The following KIAA0825 variants were observed in gnomAD, a reference collection of about 807,000 sequenced individuals.
The protein encoded by KIAA0825 is uncharacterized protein KIAA0825.
A neutral mutation model predicts 147.6 loss-of-function variants in KIAA0825; 119 were observed. The observed-to-expected ratio is 0.81, with a 90% CI of 0.69 to 0.94. The LOEUF (loss-of-function observed/expected upper bound fraction) is 0.94. KIAA0825 is among the 40% of genes least tolerant of loss of function. KIAA0825 has a pLI of 0.00. For missense variants in KIAA0825, 1,381 were observed against 1,472.7 expected (o/e 0.94, Z 1.02); for synonymous variants, 470 against 518.1 (o/e 0.91, Z 1.26).
rs377558030 is a variant in KIAA0825 at position 94,178,774 on chromosome 5, C to T, written c.3711-24650G>A. ...GCCATGTATTAAAAAGTTAAATATA[C>T]ACCTACCATATCACCCAGTTATCCT... is the stretch of plus-strand genomic sequence containing the variant. On this transcript the variant is annotated intron_variant, in intron 20 of 20. Coordinates refer to ENST00000682413, the MANE Select transcript of KIAA0825 (RefSeq NM_001145678.3). 6.3e-4 allele frequency among the ~76,000 whole-genome samples: 96 copies of T among 152,100 alleles called. 1 individual carries two copies. Among genetic ancestry groups the T allele is most frequent in the African/African-American group, 2.3e-3 (94 of 41,524 alleles).
At chr5:94,197,779 G>A (rs1380810795) in intron 20 of KIAA0825, among the ~76,000 whole-genome samples, 2 of 152,286 alleles carry the variant, frequency 1.3e-5, no homozygotes, top group East Asian at 3.9e-4. Flanking sequence ...TCAGATGGTT[G>A]TAGGTGTGAA....
chr5:94,561,259 C>G (rs573958563), intron 2 of KIAA0825, among the ~76,000 whole-genome samples: 4 of 152,280 alleles, frequency 2.6e-5, no homozygotes, highest in African/African-American at 9.6e-5. Context: ...GATGGCACAC[C>G]CAGACAGGAA....
intron 13 of KIAA0825, among the ~76,000 whole-genome samples, chr5:94,449,688 A>C (rs1348455979): frequency 6.6e-6 from 1 of 152,220 alleles, no homozygotes; most frequent in Non-Finnish European, 1.5e-5. Context: ...AAAGCTATAG[A>C]TGCAGCACTG....
rs546434350 is a variant in KIAA0825 at position 94,299,071 on chromosome 5, A to AT, written c.3710+85296dup. On this transcript the variant is annotated intron_variant, in intron 20 of 20. Transcript: ENST00000682413. ...CATCACCAACAAAGCAAAAGGCTTT[A>AT]TTTTTTTTGTTTCCATTCAGTTTTA... Among the ~76,000 whole-genome samples, 391 of 151,926 alleles carry AT rather than the reference A, an allele frequency of 2.6e-3. 1 individual carries two copies. Among genetic ancestry groups the AT allele is most frequent in the African/African-American group, 8.9e-3 (368 of 41,420 alleles).
intron 3 of KIAA0825, among the ~76,000 whole-genome samples, chr5:94,526,795 G>A (rs539022514): frequency 1.6e-4 from 25 of 152,026 alleles, no homozygotes; most frequent in Non-Finnish European, 2.7e-4. Context: ...TGAATAAGAC[G>A]TCATCCTGTC....
intron 20 of KIAA0825, among the ~76,000 whole-genome samples, chr5:94,382,945 T>G (rs1006439188): frequency 1.3e-5 from 2 of 152,192 alleles, no homozygotes; most frequent in African/African-American, 4.8e-5. Context: ...CTGTATAAAC[T>G]CAAAACTTTC....
At chr5:94,167,405 G>A (rs1252208053) in intron 20 of KIAA0825, among the ~76,000 whole-genome samples, 4 of 152,062 alleles carry the variant, frequency 2.6e-5, no homozygotes, top group Non-Finnish European at 5.9e-5. Flanking sequence ...TCTGAACTTT[G>A]TACTGAATCT....
At chr5:94,551,423 T>C (rs749166292) in intron 2 of KIAA0825, among the ~76,000 whole-genome samples, 11 of 151,974 alleles carry the variant, frequency 7.2e-5, no homozygotes, top group Non-Finnish European at 4.4e-5. Flanking sequence ...AGTAGTGAAA[T>C]TGTCAAAAGT....
At chr5:94,530,347 A>C (rs1415260287) in intron 3 of KIAA0825, among the ~76,000 whole-genome samples, 1 of 150,802 alleles carries the variant, frequency 6.6e-6, no homozygotes, top group African/African-American at 2.4e-5. Context: ...ACAGAGTTTC[A>C]CTATGTTGTC....
At chr5:94,478,057 A>G (rs1185072909) in intron 6 of KIAA0825, among the ~76,000 whole-genome samples, 2 of 152,174 alleles carry the variant, frequency 1.3e-5, no homozygotes, top group Non-Finnish European at 2.9e-5. Flanking sequence ...GGCAAAGCAA[A>G]TTTCAAAATC....
At chr5:94,277,160 G>T (rs558063762) in intron 20 of KIAA0825, among the ~76,000 whole-genome samples, 41 of 152,122 alleles carry the variant, frequency 2.7e-4, no homozygotes, top group African/African-American at 8.4e-4. Context: ...TCTGATAATT[G>T]TTCACAACCC....
intron 14 of KIAA0825, 27 bp from the exon 15 acceptor site, chr5:94,417,392 T>C (rs1753603174): frequency 6.5e-7 from 1 of 1,526,942 alleles, no homozygotes; most frequent in Non-Finnish European, 8.9e-7. Context: ...TTGAAAGGAA[T>C]CAAAATGATT....
intron 2 of KIAA0825, among the ~76,000 whole-genome samples, chr5:94,576,768 G>A (rs992613647): frequency 1.3e-5 from 2 of 152,072 alleles, no homozygotes; most frequent in African/African-American, 2.4e-5. Flanking sequence ...ATCTACTCAC[G>A]GAAGAATCTA....
chr5:94,351,508 T>A (rs2150365566), intron 20 of KIAA0825, among the ~76,000 whole-genome samples: 1 of 152,344 alleles, frequency 6.6e-6, no homozygotes, highest in Non-Finnish European at 1.5e-5. Context: ...AAAGTGACTA[T>A]ACTGCCAAAA....
chr5:94,370,631 T>C (rs1378105224), intron 20 of KIAA0825, among the ~76,000 whole-genome samples: 1 of 152,006 alleles, frequency 6.6e-6, no homozygotes, highest in Non-Finnish European at 1.5e-5. Context: ...TATCGGCCGG[T>C]TGCTGTGGCT....
intron 20 of KIAA0825, among the ~76,000 whole-genome samples, chr5:94,348,108 A>G (rs960176886): frequency 6.6e-6 from 1 of 152,150 alleles, no homozygotes; most frequent in African/African-American, 2.4e-5. Flanking sequence ...AAAAAGAATA[A>G]GAAAATATGA....
In KIAA0825 at chr5:94,468,156, T is replaced by A. The variant is rs137920915; in HGVS notation, c.1872+1805A>T. 3.1e-3 allele frequency among the ~76,000 whole-genome samples: 470 copies of A among 152,276 alleles called. 1 individual carries two copies. The highest frequency in any genetic ancestry group is 7.7e-3 in the South Asian group (37 of 4,824). On this transcript the variant is annotated intron_variant, in intron 10 of 20. Transcript: ENST00000682413. ...TAAGATCTAAGAGCTGCATGTTACA[T>A]GGTAATTTGTTGGTTTTTAAAATAC...
At chr5:94,189,137 G>A (rs1242908969) in intron 20 of KIAA0825, among the ~76,000 whole-genome samples, 1 of 152,164 alleles carries the variant, frequency 6.6e-6, no homozygotes, top group Non-Finnish European at 1.5e-5. Flanking sequence ...CCATTGAGTT[G>A]TAAGAGTTCT....
chr5:94,315,119 T>C (rs1356007214), intron 20 of KIAA0825, among the ~76,000 whole-genome samples: 1 of 151,716 alleles, frequency 6.6e-6, no homozygotes, highest in East Asian at 1.9e-4. Flanking sequence ...AAACGTGTCA[T>C]ATCTAATGAT....
Sources: gnomAD v4.1 joint callset for allele counts (sites outside exome capture counted in the v4.1 genomes callset) on GRCh38, gnomAD v4.1.1 for gene constraint, MANE v1.5 for transcripts, NCBI Gene and HGNC (gene_info 2026-07-23, HGNC 2026-07-21) for gene names.